Variants in CALN1 observed in about 807,000 individuals in gnomAD.
CALN1 encodes the protein calneuron 1, also known as calcium-binding protein 8.
Under a neutral mutation model 30.6 loss-of-function variants are expected in CALN1, and 17 were observed. The observed-to-expected ratio is 0.56, with a 90% CI of 0.38 to 0.83. The LOEUF is 0.83. CALN1 is among the 40% of genes least tolerant of loss of function. The pLI is 0.00. For missense variants in CALN1, 291 were observed against 354.9 expected (o/e 0.82, Z 1.45); for synonymous variants, 156 against 131.4 (o/e 1.19, Z -1.28).
intron 2 of CALN1, among the ~76,000 whole-genome samples, chr7:72,350,523 G>C (rs999362414): frequency 2.0e-5 from 3 of 152,102 alleles, no homozygotes; most frequent in Non-Finnish European, 4.4e-5. Context: ...GCAATTTAAT[G>C]CAGAACAGAA....
chr7:71,914,365 C>T (rs1011646992), intron 5 of CALN1, among the ~76,000 whole-genome samples: 6 of 152,170 alleles, frequency 3.9e-5, no homozygotes, highest in Non-Finnish European at 8.8e-5. Context: ...CCATCCTTGT[C>T]CTTGCGAAGG....
At chr7:72,375,709 T>C (rs574910004) in intron 2 of CALN1, among the ~76,000 whole-genome samples, 2 of 152,268 alleles carry the variant, frequency 1.3e-5, no homozygotes, top group East Asian at 1.9e-4. Flanking sequence ...CTTGAACTCC[T>C]GGCCTCAAGC....
At chr7:72,404,855 C>G (rs750710093) in intron 1 of CALN1, among the ~76,000 whole-genome samples, 1 of 152,234 alleles carries the variant, frequency 6.6e-6, no homozygotes, top group Non-Finnish European at 1.5e-5. Context: ...ACAGTACCCA[C>G]TGAAAGTCAG....
intron 5 of CALN1, among the ~76,000 whole-genome samples, chr7:71,887,355 G>C (rs571335721): frequency 6.6e-6 from 1 of 152,134 alleles, no homozygotes; most frequent in African/African-American, 2.4e-5. Context: ...GCATGCAATG[G>C]TACAATCTCG....
upstream of CALN1, among the ~76,000 whole-genome samples, chr7:72,414,185 A>AAGAGACCCATGCTGGAGCC (rs1380666396): frequency 2.0e-5 from 3 of 152,092 alleles, no homozygotes; most frequent in African/African-American, 4.8e-5. Context: ...CGGGAAGCTC[A>AAGAGACCCATGCTGGAGCC]AGAGACCCAT....
intron 2 of CALN1, among the ~76,000 whole-genome samples, chr7:72,336,077 A>G (rs1447445461): frequency 6.6e-6 from 1 of 152,176 alleles, no homozygotes; most frequent in African/African-American, 2.4e-5. Flanking sequence ...GCCGGACTGC[A>G]GAGGCCTCTC....
chr7:72,380,052 C>T (rs1804795031), intron 2 of CALN1, among the ~76,000 whole-genome samples: 1 of 152,164 alleles, frequency 6.6e-6, no homozygotes, highest in Non-Finnish European at 1.5e-5. Flanking sequence ...GCTACTGAAA[C>T]ATAGTATGTG....
intron 2 of CALN1, among the ~76,000 whole-genome samples, chr7:72,377,258 G>A (rs1562932323): frequency 1.3e-5 from 2 of 152,132 alleles, no homozygotes; most frequent in African/African-American, 2.4e-5. Flanking sequence ...TGAGTCTGCA[G>A]GTCAATTTGG....
rs148466049 is a variant in CALN1, at chr7:72,264,027, C to T, written c.244+14659G>A. ...CACTGGTTTGGACTGAGCTCCTGCA[C>T]GCGGCCCAATAAACCAAACCAAAAT... On this transcript the variant is annotated intron_variant, in intron 3 of 6. Transcript: ENST00000395275. 5.3e-4 allele frequency among the ~76,000 whole-genome samples: 81 copies of T among 152,244 alleles called. No homozygotes were observed. The East Asian group carries it at 0.015, about 28-fold the overall frequency.
At chr7:71,859,216 C>T (rs1791130981) in intron 5 of CALN1, among the ~76,000 whole-genome samples, 1 of 152,110 alleles carries the variant, frequency 6.6e-6, no homozygotes, top group Admixed American at 6.6e-5. Context: ...GCATGTACCA[C>T]CACATCTGGC....
chr7:72,482,595 T>C, the CALN1 span, among the ~76,000 whole-genome samples: 2 of 152,128 alleles, frequency 1.3e-5, no homozygotes, highest in Admixed American at 1.3e-4. Flanking sequence ...CTATACCACT[T>C]GACATATAAG....
At chr7:72,349,125 G>A (rs1802790155) in intron 2 of CALN1, among the ~76,000 whole-genome samples, 1 of 152,090 alleles carries the variant, frequency 6.6e-6, no homozygotes, top group African/African-American at 2.4e-5. Flanking sequence ...AAAAATAAGT[G>A]AGTTTGAAAA....
chr7:72,019,755 A>G (rs1800599836), intron 5 of CALN1, among the ~76,000 whole-genome samples: 1 of 152,142 alleles, frequency 6.6e-6, no homozygotes, highest in Non-Finnish European at 1.5e-5. Context: ...CTGAGCTAGA[A>G]CCACCCAGCT....
intron 3 of CALN1, among the ~76,000 whole-genome samples, chr7:72,210,950 G>C (rs1792348213): frequency 6.6e-6 from 1 of 151,960 alleles, no homozygotes; most frequent in East Asian, 1.9e-4. Flanking sequence ...AGCTACTTGG[G>C]AGGCTGAGGC....
the CALN1 span, among the ~76,000 whole-genome samples, chr7:72,457,757 CT>C: frequency 7.4e-3 from 1,010 of 135,620 alleles, 4 homozygotes; most frequent in African/African-American, 0.017. Flanking sequence ...CCTTCTTATT[CT>C]TTTTTTTTTT....
chr7:71,890,481 A>G (rs1342018408), intron 5 of CALN1, among the ~76,000 whole-genome samples: 2 of 152,038 alleles, frequency 1.3e-5, no homozygotes, highest in African/African-American at 4.8e-5. Flanking sequence ...CTCTCTCCAT[A>G]CTGTGTTCCT....
chr7:72,055,064 C>T (rs899154407), intron 4 of CALN1, among the ~76,000 whole-genome samples: 286 of 152,306 alleles, frequency 1.9e-3, no homozygotes, highest in Non-Finnish European at 4.6e-4. Context: ...TTCATGATCG[C>T]TGACATCCAC....
rs541359216 is a variant in CALN1 at position 72,028,789 on chromosome 7, G to C, written c.389-5020C>G. ...GTGGGTCACTTGAGGTCAGGAGTTT[G>C]AGACCAGCCTGGCCAACATGGTGAA... is the stretch of plus-strand genomic sequence containing the variant. On this transcript the variant is annotated intron_variant, in intron 4 of 6. Coordinates refer to ENST00000395275, the MANE Select transcript of CALN1 (RefSeq NM_031468.4). 2.0e-3 allele frequency among the ~76,000 whole-genome samples: 300 copies of C among 152,258 alleles called. 1 individual carries two copies. Among genetic ancestry groups the C allele is most frequent in the Middle Eastern group, 0.01 (3 of 292 alleles).
intron 5 of CALN1, among the ~76,000 whole-genome samples, chr7:72,003,241 C>T (rs562496543): frequency 2.0e-5 from 3 of 152,234 alleles, no homozygotes; most frequent in Admixed American, 1.3e-4. Context: ...ACATTCACTC[C>T]AAAGAAGATG....
Sources: gnomAD v4.1 joint callset for allele counts (sites outside exome capture counted in the v4.1 genomes callset) on GRCh38, gnomAD v4.1.1 for gene constraint, MANE v1.5 for transcripts, NCBI Gene and HGNC (gene_info 2026-07-23, HGNC 2026-07-21) for gene names.